The following EPM2A variants were observed in gnomAD, a reference collection of about 807,000 sequenced individuals.
EPM2A encodes EPM2A glucan phosphatase, laforin, also known as laforin.
A neutral mutation model predicts 26.5 loss-of-function variants in EPM2A; 21 were observed. The ratio of observed to expected loss-of-function variants is 0.79; its 90% CI spans 0.56 to 1.14. EPM2A has a LOEUF of 1.14. Among genes scored for constraint, EPM2A ranks in the 50% most tolerant of loss-of-function variants. The pLI, the probability that EPM2A is intolerant of heterozygous loss-of-function variation, is 0.00. For missense variants in EPM2A, 458 were observed against 440.8 expected (o/e 1.04, Z -0.35); for synonymous variants, 217 against 177.6 (o/e 1.22, Z -1.76).
At chr6:145,439,390 G>A (rs1727713915) in intron 4 of EPM2A, among the ~76,000 whole-genome samples, 1 of 152,126 alleles carries the variant, frequency 6.6e-6, no homozygotes, top group Admixed American at 6.5e-5. Context: ...TCACCACTCT[G>A]CTTTCCATAA....
chr6:145,494,550 T>C (rs1779793885), intron 4 of EPM2A, among the ~76,000 whole-genome samples: 1 of 152,168 alleles, frequency 6.6e-6, no homozygotes, highest in South Asian at 2.1e-4. Flanking sequence ...TTATTCTTGG[T>C]TCTCTATTTC....
chr6:145,626,493 C>A lies in EPM2A; in HGVS notation c.*923G>T. 1 of 985,862 alleles carries A rather than the reference C, an allele frequency of 1.0e-6. No individual in the cohort carries two copies. The highest frequency in any genetic ancestry group is 1.2e-6 in the Non-Finnish European group (1 of 829,952). The allele number at this position is 985,862 out of a possible 1,614,324, so 61.1% of individuals were successfully genotyped here. ...ACTAATTTCCTAGATTCTTTGGCAA[C>A]TGATCAGAATACTATTCTATGTCTC... On this transcript the variant is annotated 3_prime_UTR_variant, in exon 4 of 4. Coordinates refer to ENST00000367519, the MANE Select transcript of EPM2A (RefSeq NM_005670.4).
At chr6:145,662,119 G>C (rs563322962) in intron 2 of EPM2A, among the ~76,000 whole-genome samples, 1 of 152,248 alleles carries the variant, frequency 6.6e-6, no homozygotes, top group South Asian at 2.1e-4. Context: ...ATGAAAACTG[G>C]TCAAGTCCAG....
Position 145,627,649 on chromosome 6 carries a change from G to C in EPM2A, c.763C>G (p.Leu255Val), listed in dbSNP as rs977281965. 44 of 1,614,082 alleles carry C rather than the reference G, an allele frequency of 2.7e-5. No homozygotes were observed. The highest frequency in any genetic ancestry group is 3.6e-5 in the Non-Finnish European group (43 of 1,180,040). ...LPQAVCLLHA[L>V]LEKGHIVYVH... is the part of the protein sequence containing the mutation. ...TACACGATGTGTCCCTTCTCCAGCA[G>C]CGCATGCAGCAGGCACACCGCCTGG... is the stretch of plus-strand genomic sequence containing the variant. The change falls in exon 4 of 4, where the codon CTG becomes GTG. Residue 255 changes from leucine to valine, a missense_variant. Transcript: ENST00000367519.
intron 4 of EPM2A, chr6:145,489,721 C>A: frequency 6.9e-7 from 1 of 1,448,530 alleles, no homozygotes. Flanking sequence ...TCCTCAGCAT[C>A]TTCGTGATCT....
chr6:145,514,848 G>C (rs1297932243), intron 2 of EPM2A, among the ~76,000 whole-genome samples: 1 of 152,094 alleles, frequency 6.6e-6, no homozygotes, highest in African/African-American at 2.4e-5. Flanking sequence ...AAATTTGAAG[G>C]CTCCACTGAC....
intron 2 of EPM2A, among the ~76,000 whole-genome samples, chr6:145,648,048 G>A (rs542144785): frequency 3.3e-5 from 5 of 152,150 alleles, no homozygotes; most frequent in African/African-American, 7.2e-5. Flanking sequence ...TAATTAGACC[G>A]CCTCAAATCC....
intron 2 of EPM2A, among the ~76,000 whole-genome samples, chr6:145,527,963 A>T (rs932021179): frequency 6.6e-6 from 1 of 152,174 alleles, no homozygotes; most frequent in African/African-American, 2.4e-5. Flanking sequence ...AAAAAGTGAA[A>T]CAGTCTTTAT....
chr6:145,425,631 CAAA>C (rs35954002), intron 4 of EPM2A, among the ~76,000 whole-genome samples: 3,632 of 137,102 alleles, frequency 0.026, 99 homozygotes, highest in African/African-American at 0.069. Context: ...TTGAGAATGG[CAAA>C]AAAAAAAAAA....
intron 4 of EPM2A, among the ~76,000 whole-genome samples, chr6:145,387,453 T>C (rs781070091): frequency 3.3e-5 from 5 of 152,090 alleles, no homozygotes; most frequent in Non-Finnish European, 7.4e-5. Context: ...CCAGATGCCA[T>C]CTCTTCTTGT....
intron 4 of EPM2A, among the ~76,000 whole-genome samples, chr6:145,464,706 T>G (rs1409246679): frequency 6.6e-6 from 1 of 152,162 alleles, no homozygotes; most frequent in African/African-American, 2.4e-5. Context: ...CTGTCACTTT[T>G]CCTTTATTTA....
intron 2 of EPM2A, among the ~76,000 whole-genome samples, chr6:145,571,401 G>A (rs527684628): frequency 3.7e-4 from 57 of 152,314 alleles, no homozygotes; most frequent in African/African-American, 1.1e-3. Flanking sequence ...TTCTTTAGCC[G>A]TAAAGTTAGT....
downstream of EPM2A, among the ~76,000 whole-genome samples, chr6:145,622,966 C>T (rs74918152): frequency 5.1e-3 from 772 of 152,340 alleles, 4 homozygotes; most frequent in African/African-American, 0.018. Flanking sequence ...CACCTTCTCT[C>T]TATCCTTTAG....
intron 2 of EPM2A, among the ~76,000 whole-genome samples, chr6:145,528,354 G>C (rs1310561183): frequency 1.3e-5 from 2 of 152,138 alleles, no homozygotes; most frequent in African/African-American, 4.8e-5. Context: ...GAGAGGACAG[G>C]TCAATGCTTG....
intron 4 of EPM2A, among the ~76,000 whole-genome samples, chr6:145,439,090 T>G (rs904008586): frequency 3.3e-5 from 5 of 151,690 alleles, no homozygotes; most frequent in African/African-American, 1.2e-4. Flanking sequence ...TGCATTAGTT[T>G]GCTAAGGATA....
At chr6:145,455,246 T>C (rs757784005) in intron 4 of EPM2A, among the ~76,000 whole-genome samples, 2 of 152,116 alleles carry the variant, frequency 1.3e-5, no homozygotes, top group Non-Finnish European at 2.9e-5. Flanking sequence ...AATATATGTA[T>C]ATGAATTTAT....
At chr6:145,620,618 T>G (rs1775612673), downstream of EPM2A, among the ~76,000 whole-genome samples, 1 of 152,248 alleles carries the variant, frequency 6.6e-6, no homozygotes, top group Non-Finnish European at 1.5e-5. Context: ...ATTCTGAGTT[T>G]TCTCTCACTA....
At chr6:145,613,445 G>A (rs563475156) in intron 2 of EPM2A, among the ~76,000 whole-genome samples, 51 of 152,072 alleles carry the variant, frequency 3.4e-4, no homozygotes, top group African/African-American at 1.1e-3. Context: ...AATCATAAAT[G>A]TTCTTAATGG....
At chr6:145,621,530 G>A (rs894164785), downstream of EPM2A, among the ~76,000 whole-genome samples, 4 of 151,682 alleles carry the variant, frequency 2.6e-5, no homozygotes, top group Admixed American at 1.3e-4. Flanking sequence ...TTTCCATAAC[G>A]GCTGTACTGA....
Sources: gnomAD v4.1 joint callset for allele counts (sites outside exome capture counted in the v4.1 genomes callset) on GRCh38, gnomAD v4.1.1 for gene constraint, MANE v1.5 for transcripts, NCBI Gene and HGNC (gene_info 2026-07-23, HGNC 2026-07-21) for gene names.